Variants in CSMD1 observed in about 807,000 individuals in gnomAD.
CSMD1 encodes the protein CUB and Sushi multiple domains 1.
Under a neutral mutation model 417.5 loss-of-function variants are expected in CSMD1, and 213 were observed. The ratio of observed to expected loss-of-function variants is 0.51; its 90% confidence interval spans 0.46 to 0.57. CSMD1 has a LOEUF of 0.57. Ranked by LOEUF, CSMD1 falls within the 20% of genes least tolerant of loss-of-function variation. The pLI, the probability that CSMD1 is intolerant of heterozygous loss-of-function variation, is 0.00. For missense variants in CSMD1, 6,923 were observed against 4,529.7 expected (o/e 1.53, Z -15.17); for synonymous variants, 2,862 against 1,736.8 (o/e 1.65, Z -16.11).
chr8:3,708,308 A>C, intron 7 of CSMD1, 106 bp downstream of exon 7: 1 of 824,082 alleles, frequency 1.2e-6, no homozygotes, highest in Non-Finnish European at 2.0e-6. Context: ...AAGAAGGAAG[A>C]GATAACGTGG....
At chr8:3,919,344 C>T (rs1226225392) in intron 5 of CSMD1, among the ~76,000 whole-genome samples, 3 of 152,042 alleles carry the variant, frequency 2.0e-5, no homozygotes, top group Non-Finnish European at 2.9e-5. Context: ...CAGTTTCATT[C>T]CTCTGCACGA....
intron 1 of CSMD1, among the ~76,000 whole-genome samples, chr8:4,869,696 T>C (rs1585238961): frequency 6.6e-6 from 1 of 152,042 alleles, no homozygotes; most frequent in East Asian, 1.9e-4. Context: ...TGATTATTAA[T>C]CTTGAAAATA....
At chr8:4,089,517 G>T (rs539155603) in intron 3 of CSMD1, among the ~76,000 whole-genome samples, 7 of 152,236 alleles carry the variant, frequency 4.6e-5, no homozygotes, top group African/African-American at 1.7e-4. Flanking sequence ...ATATATCCAA[G>T]TCTTATATAG....
intron 5 of CSMD1, among the ~76,000 whole-genome samples, chr8:3,775,916 G>A (rs931415031): frequency 6.6e-6 from 1 of 152,176 alleles, no homozygotes; most frequent in South Asian, 2.1e-4. Flanking sequence ...AGCTCCTCCA[G>A]TCTCATGGAT....
At chr8:3,803,264 CG>C (rs541368916) in intron 5 of CSMD1, among the ~76,000 whole-genome samples, 185 of 152,278 alleles carry the variant, frequency 1.2e-3, no homozygotes, top group African/African-American at 3.9e-3. Context: ...GTCAGGAACA[CG>C]GGTTCTCATT....
intron 1 of CSMD1, among the ~76,000 whole-genome samples, chr8:4,876,137 G>A (rs954163629): frequency 7.2e-5 from 11 of 151,946 alleles, no homozygotes; most frequent in African/African-American, 2.4e-4. Context: ...GTAAAATTAA[G>A]GAATACAAAT....
chr8:4,944,587 A>G (rs114669022), intron 1 of CSMD1, among the ~76,000 whole-genome samples: 20 of 152,206 alleles, frequency 1.3e-4, no homozygotes, highest in Non-Finnish European at 2.5e-4. Flanking sequence ...AATACACAAG[A>G]AATAAATTGA....
intron 3 of CSMD1, among the ~76,000 whole-genome samples, chr8:4,385,677 C>G (rs1385768891): frequency 6.6e-6 from 1 of 152,078 alleles, no homozygotes; most frequent in African/African-American, 2.4e-5. Context: ...ATCCAAAGCA[C>G]ATGCTAAAAA....
rs183848843 is a variant in CSMD1, at chr8:4,503,725, G to A, written c.303-83660C>T. ...AACAAGTGGGAGCTGGAAATTAGGG[G>A]ACAGAAATGGGGAGATTCGGGAAGC... On this transcript the variant is annotated intron_variant, in intron 2 of 69. Transcript: ENST00000635120. 1.1e-4 allele frequency among the ~76,000 whole-genome samples: 16 copies of A among 152,190 alleles called. No homozygotes were observed. In the East Asian group the frequency reaches 2.3e-3, roughly 22 times the overall value.
At chr8:4,047,109 C>T (rs145836759) in intron 3 of CSMD1, among the ~76,000 whole-genome samples, 16 of 152,256 alleles carry the variant, frequency 1.1e-4, no homozygotes, top group Middle Eastern at 3.4e-3. Flanking sequence ...GAAGCTGTGG[C>T]TTCAATGGAA....
intron 23 of CSMD1, among the ~76,000 whole-genome samples, chr8:3,331,368 A>T (rs1329935126): frequency 2.0e-5 from 3 of 152,228 alleles, no homozygotes; most frequent in Non-Finnish European, 4.4e-5. Context: ...ACATAATTTC[A>T]GATGTTTGCT....
chr8:3,900,974 C>T (rs747560219), intron 5 of CSMD1, among the ~76,000 whole-genome samples: 2 of 152,170 alleles, frequency 1.3e-5, no homozygotes, highest in Admixed American at 1.3e-4. Context: ...GAGCCTGAAA[C>T]TTTATGATTT....
chr8:3,353,250 G>A (rs1563302301), intron 21 of CSMD1, among the ~76,000 whole-genome samples: 4 of 152,184 alleles, frequency 2.6e-5, no homozygotes, highest in Admixed American at 1.3e-4. Context: ...TTTACAAAAT[G>A]TTCTTTGAAG....
At chr8:3,633,470 C>G (rs912213530) in intron 7 of CSMD1, among the ~76,000 whole-genome samples, 2 of 152,142 alleles carry the variant, frequency 1.3e-5, no homozygotes, top group Non-Finnish European at 2.9e-5. Context: ...ATGTATAATA[C>G]AAGTCTGTTC....
chr8:3,409,191 A>G (rs548534935), intron 13 of CSMD1, among the ~76,000 whole-genome samples: 1 of 152,226 alleles, frequency 6.6e-6, no homozygotes, highest in African/African-American at 2.4e-5. Flanking sequence ...GGAAACGTTC[A>G]AGTACATTTT....
At chr8:3,756,686 T>A (rs1457597837) in intron 5 of CSMD1, among the ~76,000 whole-genome samples, 1 of 152,246 alleles carries the variant, frequency 6.6e-6, no homozygotes, top group Non-Finnish European at 1.5e-5. Flanking sequence ...CTGCATGTAC[T>A]TGCTAAACTT....
At chr8:4,679,186 C>A (rs1190179903) in intron 1 of CSMD1, among the ~76,000 whole-genome samples, 1 of 152,170 alleles carries the variant, frequency 6.6e-6, no homozygotes, top group Non-Finnish European at 1.5e-5. Context: ...TTGAATCTGG[C>A]TCTGGGAGCT....
chr8:4,792,219 A>C (rs1464262118), intron 1 of CSMD1, among the ~76,000 whole-genome samples: 1 of 152,206 alleles, frequency 6.6e-6, no homozygotes, highest in Admixed American at 6.5e-5. Context: ...ACAAAAGTAG[A>C]GATTAAATGT....
intron 1 of CSMD1, among the ~76,000 whole-genome samples, chr8:4,674,472 G>C (rs1313708856): frequency 1.3e-5 from 2 of 152,144 alleles, no homozygotes; most frequent in African/African-American, 4.8e-5. Context: ...GAGGCTGTGT[G>C]TATAAATGCT....
Sources: gnomAD v4.1 joint callset for allele counts (sites outside exome capture counted in the v4.1 genomes callset) on GRCh38, gnomAD v4.1.1 for gene constraint, MANE v1.5 for transcripts, NCBI Gene and HGNC (gene_info 2026-07-23, HGNC 2026-07-21) for gene names.